ATP8A2: variants seen among roughly 807,000 people sequenced by gnomAD.
ATP8A2 encodes the protein ATPase phospholipid transporting 8A2.
Under a neutral mutation model 165.6 loss-of-function variants are expected in ATP8A2, and 100 were observed. That is an observed-to-expected ratio of 0.60 (90% CI 0.51 to 0.71). The LOEUF (loss-of-function observed/expected upper bound fraction) is 0.71, where lower values mean the gene tolerates loss of function less well. Ranked by LOEUF, ATP8A2 falls within the 30% of genes least tolerant of loss-of-function variation. The pLI, the probability that ATP8A2 is intolerant of heterozygous loss-of-function variation, is 0.00. For missense variants in ATP8A2, 1,227 were observed against 1,479.5 expected (o/e 0.83, Z 2.80); for synonymous variants, 543 against 548.8 (o/e 0.99, Z 0.15).
intron 24 of ATP8A2, among the ~76,000 whole-genome samples, chr13:25,684,253 C>A (rs1309635957): frequency 6.6e-6 from 1 of 152,224 alleles, no homozygotes; most frequent in Non-Finnish European, 1.5e-5. Flanking sequence ...TCTGGTTTAA[C>A]CTTTTTCAGT....
intron 24 of ATP8A2, among the ~76,000 whole-genome samples, chr13:25,609,534 G>GGGATTCAAATATATATATATGTATTT (rs2040604986): frequency 2.4e-5 from 1 of 42,216 alleles, no homozygotes; most frequent in Non-Finnish European, 7.2e-5. Context: ...ATATATATTT[G>GGGATTCAAATATATATATATGTATTT]GGATTCAAAT....
At chr13:25,679,540 C>A (rs892670462) in intron 24 of ATP8A2, among the ~76,000 whole-genome samples, 4 of 152,134 alleles carry the variant, frequency 2.6e-5, no homozygotes, top group African/African-American at 4.8e-5. Flanking sequence ...TGACTGTCAG[C>A]ACTACATGTT....
intron 1 of ATP8A2, among the ~76,000 whole-genome samples, chr13:25,452,853 G>T (rs1271229623): frequency 6.6e-6 from 1 of 152,036 alleles, no homozygotes; most frequent in African/African-American, 2.4e-5. Context: ...CCAGCACTTT[G>T]GGAGGCTGAG....
At chr13:25,971,025 C>T (rs1157411921) in intron 35 of ATP8A2, among the ~76,000 whole-genome samples, 1 of 152,072 alleles carries the variant, frequency 6.6e-6, no homozygotes, top group African/African-American at 2.4e-5. Flanking sequence ...TTTCTGTGCA[C>T]GTGTGCGCGC....
At chr13:25,815,820 A>T (rs1300807971) in intron 27 of ATP8A2, among the ~76,000 whole-genome samples, 1 of 152,240 alleles carries the variant, frequency 6.6e-6, no homozygotes, top group African/African-American at 2.4e-5. Flanking sequence ...TAAACAAAGT[A>T]TGCTATATAC....
At chr13:25,753,446 G>A (rs1394509063) in intron 25 of ATP8A2, among the ~76,000 whole-genome samples, 1 of 152,184 alleles carries the variant, frequency 6.6e-6, no homozygotes, top group Non-Finnish European at 1.5e-5. Flanking sequence ...TTTCTACAGA[G>A]TACAGCAATG....
intron 24 of ATP8A2, among the ~76,000 whole-genome samples, chr13:25,644,561 A>G (rs1226437477): frequency 6.6e-6 from 1 of 151,148 alleles, no homozygotes; most frequent in Non-Finnish European, 1.5e-5. Context: ...GCATCAGAGT[A>G]ATACTGGCTT....
At chr13:25,672,516 C>CT (rs2042288385) in intron 24 of ATP8A2, among the ~76,000 whole-genome samples, 1 of 152,114 alleles carries the variant, frequency 6.6e-6, no homozygotes, top group African/African-American at 2.4e-5. Context: ...ATTCAAAACT[C>CT]TAAGGAATTG....
At chr13:25,959,553 C>T (rs1955608351) in intron 33 of ATP8A2, among the ~76,000 whole-genome samples, 1 of 152,216 alleles carries the variant, frequency 6.6e-6, no homozygotes, top group African/African-American at 2.4e-5. Context: ...TGTACCTCAT[C>T]TAGGGGTGAC....
At chr13:25,747,726 A>T (rs924259806) in intron 25 of ATP8A2, among the ~76,000 whole-genome samples, 1 of 152,206 alleles carries the variant, frequency 6.6e-6, no homozygotes, top group Non-Finnish European at 1.5e-5. Flanking sequence ...AACCTTTAAA[A>T]TCCCCCGAAG....
At chr13:25,422,432 C>T (rs1391433382) in intron 1 of ATP8A2, among the ~76,000 whole-genome samples, 1 of 152,164 alleles carries the variant, frequency 6.6e-6, no homozygotes, top group Non-Finnish European at 1.5e-5. Context: ...CCCATTAGAC[C>T]AATGAGTTAA....
chr13:25,879,418 A>G (rs1952910063), intron 33 of ATP8A2, among the ~76,000 whole-genome samples: 2 of 152,222 alleles, frequency 1.3e-5, no homozygotes, highest in Admixed American at 1.3e-4. Context: ...GACGTTACTT[A>G]ATAAACAGAA....
At chr13:25,988,654 A>G (rs1370229144) in intron 35 of ATP8A2, among the ~76,000 whole-genome samples, 2 of 152,090 alleles carry the variant, frequency 1.3e-5, no homozygotes, top group Non-Finnish European at 2.9e-5. Context: ...TAATTCATTC[A>G]CCCCTTTGTG....
At chr13:25,848,521 G>A (rs1232744773) in intron 30 of ATP8A2, among the ~76,000 whole-genome samples, 1 of 152,194 alleles carries the variant, frequency 6.6e-6, no homozygotes, top group African/African-American at 2.4e-5. Flanking sequence ...AGTTTACTTT[G>A]CGTCATTTTT....
At chr13:25,379,390 T>C (rs2032755138) in intron 1 of ATP8A2, among the ~76,000 whole-genome samples, 1 of 152,234 alleles carries the variant, frequency 6.6e-6, no homozygotes, top group Admixed American at 6.5e-5. Flanking sequence ...TGGAATCTCA[T>C]TCCAGATATT....
chr13:25,512,643 C>A (rs2037277790), intron 2 of ATP8A2, among the ~76,000 whole-genome samples: 1 of 146,780 alleles, frequency 6.8e-6, no homozygotes, highest in South Asian at 2.2e-4. Context: ...GGGGCTGACC[C>A]CCCACCTCCC....
At position 25,717,018 on chromosome 13, in the gene ATP8A2, A is replaced by G. The variant is rs377544356; in HGVS notation, c.2384+17673A>G. 1.6e-4 allele frequency among the ~76,000 whole-genome samples: 25 copies of G among 152,202 alleles called. 1 individual carries two copies. In the South Asian group the frequency reaches 5.2e-3, roughly 32 times the overall value. On this transcript the variant is annotated intron_variant, in intron 25 of 36. Coordinates refer to ENST00000381655, the MANE Select transcript of ATP8A2 (RefSeq NM_016529.6). Reference sequence around the variant, plus strand: ...TTGGCTAGAGTGGAGTTAGGAAAATACTCTTTCTGGAAAGAAAGGTGACTT... The same window carrying G: ...TTGGCTAGAGTGGAGTTAGGAAAATGCTCTTTCTGGAAAGAAAGGTGACTT...
At chr13:25,455,072 A>G (rs946651651) in intron 1 of ATP8A2, among the ~76,000 whole-genome samples, 9 of 152,186 alleles carry the variant, frequency 5.9e-5, no homozygotes, top group African/African-American at 1.9e-4. Flanking sequence ...TGTAGTTTGC[A>G]TGGAGTTCCG....
At chr13:25,604,291 A>G (rs980545647) in intron 24 of ATP8A2, among the ~76,000 whole-genome samples, 2 of 152,168 alleles carry the variant, frequency 1.3e-5, no homozygotes, top group African/African-American at 4.8e-5. Flanking sequence ...TCTGAGAAAT[A>G]ATTATTGGAT....
Sources: gnomAD v4.1 joint callset for allele counts (sites outside exome capture counted in the v4.1 genomes callset) on GRCh38, gnomAD v4.1.1 for gene constraint, MANE v1.5 for transcripts, NCBI Gene and HGNC (gene_info 2026-07-23, HGNC 2026-07-21) for gene names.